Variants in TP63 observed in about 807,000 individuals in gnomAD.
TP63 encodes tumor protein p63, also known as tumor protein 63.
Under a neutral mutation model 82.8 loss-of-function variants are expected in TP63, and 17 were observed. The ratio of observed to expected loss-of-function variants is 0.21; its 90% confidence interval spans 0.14 to 0.31. The LOEUF (loss-of-function observed/expected upper bound fraction) is 0.31. Among genes scored for constraint, TP63 ranks in the 10% least tolerant of loss-of-function variants. The pLI is 1.00. For missense variants in TP63, 648 were observed against 895.3 expected, an observed-to-expected ratio of 0.72 and a Z score of 3.52; for synonymous variants, 330 against 321.7, an observed-to-expected ratio of 1.03 and a Z score of -0.28.
rs184499710 is a variant in TP63 at position 189,825,356 on chromosome 3, T to C, written c.579+16830T>C. On this transcript the variant is annotated intron_variant, in intron 4 of 13. Transcript: ENST00000264731. ...ATTGAGCTAAGTGATATAAAAATGG[T>C]TATCAATATGAAGTAGATAGAAAAG... is the stretch of plus-strand genomic sequence containing the variant. Among the ~76,000 whole-genome samples the C allele has an allele frequency of 8.9e-4, 136 of 152,322 alleles. 1 individual carries two copies. The highest frequency in any genetic ancestry group is 3.0e-3 in the African/African-American group (124 of 41,576).
chr3:189,811,315 A>G (rs1402526803), intron 4 of TP63, among the ~76,000 whole-genome samples: 1 of 152,256 alleles, frequency 6.6e-6, no homozygotes, highest in African/African-American at 2.4e-5. Flanking sequence ...ATTGTCTGCC[A>G]TTCATGAGTG....
intron 1 of TP63, among the ~76,000 whole-genome samples, chr3:189,716,883 C>G (rs910180920): frequency 5.3e-5 from 8 of 151,874 alleles, no homozygotes; most frequent in Non-Finnish European, 8.8e-5. Context: ...ATTGCAGCCT[C>G]CACCTCTCAG....
chr3:189,650,363 G>C (rs1014615330), intron 1 of TP63, among the ~76,000 whole-genome samples: 1 of 147,080 alleles, frequency 6.8e-6, no homozygotes, highest in East Asian at 2.4e-4. Context: ...AGCTTCTGTT[G>C]ATTGATGAGT....
At chr3:189,778,260 T>A (rs1186371390) in intron 3 of TP63, among the ~76,000 whole-genome samples, 1 of 152,218 alleles carries the variant, frequency 6.6e-6, no homozygotes, top group Non-Finnish European at 1.5e-5. Flanking sequence ...TACAGGTGTA[T>A]GTGGGAGAAA....
At chr3:189,844,277 T>C (rs1365329517) in intron 4 of TP63, 1 of 412,536 alleles carries the variant, frequency 2.4e-6, no homozygotes, top group Non-Finnish European at 5.0e-6. Context: ...GTTCAAGTGG[T>C]TCTCCTTTCT....
At chr3:189,676,091 A>G (rs969361468) in intron 1 of TP63, among the ~76,000 whole-genome samples, 1 of 152,284 alleles carries the variant, frequency 6.6e-6, no homozygotes, top group Admixed American at 6.5e-5. Flanking sequence ...GTATGCGTAC[A>G]TTGTTAACTG....
chr3:189,896,690 A>G lies in TP63; in HGVS notation c.*2188A>G, dbSNP rs1207611088. Reference sequence around the variant, plus strand: ...GAGCTATGTCAGTACTATTCAGGTAACACTAGGGCCTTGGAAATTCCTGTA... The same window carrying G: ...GAGCTATGTCAGTACTATTCAGGTAGCACTAGGGCCTTGGAAATTCCTGTA... On this transcript the variant is annotated 3_prime_UTR_variant, in exon 14 of 14. Coordinates refer to ENST00000264731, the MANE Select transcript of TP63 (RefSeq NM_003722.5). The G allele has an allele frequency of 2.9e-5, 6 of 204,752 alleles. No individual in the cohort carries two copies. The highest frequency in any genetic ancestry group is 1.4e-4 in the African/African-American group (6 of 43,752). 12.7% of individuals were successfully genotyped at this position (204,752 alleles called of 1,614,324 possible).
At chr3:189,655,627 A>G (rs1194006203) in intron 1 of TP63, among the ~76,000 whole-genome samples, 1 of 152,214 alleles carries the variant, frequency 6.6e-6, no homozygotes, top group Non-Finnish European at 1.5e-5. Context: ...GTCTCAAAAA[A>G]AAAGAAAAAA....
At chr3:189,672,670 AAGGAAGGAAGGAAGG>A (rs1715016456) in intron 1 of TP63, among the ~76,000 whole-genome samples, 1 of 62,674 alleles carries the variant, frequency 1.6e-5, no homozygotes, top group African/African-American at 4.9e-5. Flanking sequence ...GGAAAGAAGG[AAGGAAGGAAGGAAGG>A]AAGGAAGGAA....
intron 1 of TP63, among the ~76,000 whole-genome samples, chr3:189,657,268 C>A (rs2108646820): frequency 6.6e-6 from 1 of 152,044 alleles, no homozygotes; most frequent in East Asian, 1.9e-4. Flanking sequence ...GTGATGCATA[C>A]ATGATATTAT....
intron 10 of TP63, among the ~76,000 whole-genome samples, chr3:189,879,080 C>T (rs913843201): frequency 1.3e-5 from 2 of 152,194 alleles, no homozygotes; most frequent in African/African-American, 2.4e-5. Flanking sequence ...CAGAATCAGG[C>T]TCAGTCCTAG....
chr3:189,610,108 G>A, the TP63 span, among the ~76,000 whole-genome samples: 1 of 152,046 alleles, frequency 6.6e-6, no homozygotes, highest in African/African-American at 2.4e-5. Context: ...TGAATGATTT[G>A]CATTTCTCTA....
chr3:189,697,329 C>G (rs1175296450), intron 1 of TP63, among the ~76,000 whole-genome samples: 1 of 134,920 alleles, frequency 7.4e-6, no homozygotes, highest in African/African-American at 2.8e-5. Context: ...GCTTTTTCTT[C>G]TTTGCCCAAG....
intron 4 of TP63, among the ~76,000 whole-genome samples, chr3:189,831,885 G>A (rs570881204): frequency 1.9e-4 from 27 of 141,550 alleles, no homozygotes; most frequent in African/African-American, 6.8e-4. Flanking sequence ...GCTGGAGGGC[G>A]GTGGCGTGAT....
At chr3:189,717,456 GCTGA>G (rs1719045914) in intron 1 of TP63, among the ~76,000 whole-genome samples, 1 of 152,178 alleles carries the variant, frequency 6.6e-6, no homozygotes, top group Admixed American at 6.6e-5. Context: ...GATTTGGGAA[GCTGA>G]CTGCTTCCAG....
chr3:189,679,873 A>C (rs970623336), intron 1 of TP63, among the ~76,000 whole-genome samples: 2 of 152,190 alleles, frequency 1.3e-5, no homozygotes, highest in South Asian at 4.1e-4. Context: ...TGAAGAAGCT[A>C]TCTGTTCCCT....
intron 3 of TP63, among the ~76,000 whole-genome samples, chr3:189,748,320 TAAATG>T (rs1403510943): frequency 6.6e-6 from 1 of 151,948 alleles, no homozygotes; most frequent in African/African-American, 2.4e-5. Flanking sequence ...TTAGATCTGA[TAAATG>T]AATTCAATAT....
intron 3 of TP63, among the ~76,000 whole-genome samples, chr3:189,786,323 G>A (rs965440354): frequency 6.6e-6 from 1 of 151,852 alleles, no homozygotes; most frequent in Admixed American, 6.6e-5. Flanking sequence ...TTCACGCTGT[G>A]TCTGAAACAC....
chr3:189,784,507 A>G (rs1724453262), intron 3 of TP63, among the ~76,000 whole-genome samples: 1 of 152,128 alleles, frequency 6.6e-6, no homozygotes, highest in South Asian at 2.1e-4. Context: ...TGAACATAGT[A>G]TCTAAGGCAT....
Sources: allele counts gnomAD v4.1 joint callset (sites outside exome capture counted in the v4.1 genomes callset), GRCh38; gene constraint gnomAD v4.1.1; transcripts MANE v1.5; gene names NCBI Gene and HGNC (gene_info 2026-07-23, HGNC 2026-07-21).